PCDH9: variants seen among roughly 807,000 people sequenced by gnomAD.
The protein encoded by PCDH9 is protocadherin-9.
Under a neutral mutation model 70.6 loss-of-function variants are expected in PCDH9, and 24 were observed. The observed-to-expected ratio is 0.34, with a 90% CI of 0.25 to 0.48. The LOEUF is 0.48. PCDH9 is among the 20% of genes least tolerant of loss of function. The probability of loss-of-function intolerance (pLI) is 0.99; values close to 1 mark genes in which losing one functional copy is unlikely to be tolerated. For missense variants in PCDH9, 1,281 were observed against 1,503.6 expected (o/e 0.85, Z 2.45); for synonymous variants, 562 against 558.5 (o/e 1.01, Z -0.09).
intron 4 of PCDH9, among the ~76,000 whole-genome samples, chr13:66,546,228 G>T (rs1172710511): frequency 1.3e-5 from 2 of 151,406 alleles, no homozygotes; most frequent in African/African-American, 4.9e-5. Context: ...CCAGAAAGCA[G>T]TCTAGAAGAA....
intron 2 of PCDH9, among the ~76,000 whole-genome samples, chr13:67,183,899 G>A (rs80004069): frequency 2.6e-5 from 4 of 152,156 alleles, no homozygotes; most frequent in South Asian, 4.1e-4. Flanking sequence ...GGTGAGTTAC[G>A]TGGCATTCCA....
intron 2 of PCDH9, among the ~76,000 whole-genome samples, chr13:67,078,043 T>C (rs1477433178): frequency 6.6e-6 from 1 of 152,184 alleles, no homozygotes; most frequent in Non-Finnish European, 1.5e-5. Flanking sequence ...ATTCTACACG[T>C]TCCAGCCAAA....
intron 2 of PCDH9, among the ~76,000 whole-genome samples, chr13:67,084,828 G>A (rs1028445710): frequency 4.7e-5 from 7 of 150,454 alleles, no homozygotes; most frequent in East Asian, 2.0e-4. Flanking sequence ...TTAGCTGGGC[G>A]TGGTGGCGGG....
At chr13:67,129,535 T>A (rs977772954) in intron 2 of PCDH9, among the ~76,000 whole-genome samples, 16 of 151,968 alleles carry the variant, frequency 1.1e-4, no homozygotes, top group African/African-American at 3.9e-4. Context: ...TAAGAATGAG[T>A]CACTGGTTAA....
intron 4 of PCDH9, among the ~76,000 whole-genome samples, chr13:66,617,422 C>A (rs1353213671): frequency 6.6e-6 from 1 of 152,124 alleles, no homozygotes; most frequent in Non-Finnish European, 1.5e-5. Context: ...TTTAAAAATG[C>A]TTTCTTTTTC....
At chr13:66,400,628 T>C (rs1224332029) in intron 4 of PCDH9, among the ~76,000 whole-genome samples, 1 of 152,194 alleles carries the variant, frequency 6.6e-6, no homozygotes, top group Non-Finnish European at 1.5e-5. Flanking sequence ...ACTCATAGGC[T>C]ATCTATTCTA....
chr13:67,178,236 T>G (rs1594618381), intron 2 of PCDH9, among the ~76,000 whole-genome samples: 1 of 152,100 alleles, frequency 6.6e-6, no homozygotes, highest in Admixed American at 6.6e-5. Context: ...AAAAAGATAC[T>G]ATGAAAGTTA....
intron 3 of PCDH9, among the ~76,000 whole-genome samples, chr13:66,834,760 C>T (rs1295147285): frequency 1.3e-5 from 2 of 152,152 alleles, no homozygotes; most frequent in African/African-American, 2.4e-5. Flanking sequence ...ATAATGTTTA[C>T]TCAAATGCCA....
At chr13:66,668,719 A>G (rs1175648898) in intron 3 of PCDH9, among the ~76,000 whole-genome samples, 1 of 152,182 alleles carries the variant, frequency 6.6e-6, no homozygotes, top group African/African-American at 2.4e-5. Context: ...GGAGCAACTT[A>G]TTGAAAATCA....
intron 4 of PCDH9, among the ~76,000 whole-genome samples, chr13:66,446,758 A>G (rs1204381023): frequency 1.3e-5 from 2 of 152,118 alleles, no homozygotes; most frequent in Non-Finnish European, 2.9e-5. Flanking sequence ...GTCAAATGTT[A>G]GAATCATTTT....
intron 4 of PCDH9, among the ~76,000 whole-genome samples, chr13:66,420,293 G>A (rs7338841): frequency 0.4 from 60,170 of 152,000 alleles, 12,541 homozygotes; most frequent in East Asian, 0.51. Context: ...AGAGAGCAGC[G>A]GATCTCCCAA....
At chr13:66,586,285 T>G (rs780805857) in intron 4 of PCDH9, among the ~76,000 whole-genome samples, 1 of 151,924 alleles carries the variant, frequency 6.6e-6, no homozygotes, top group Non-Finnish European at 1.5e-5. Flanking sequence ...GATGCACACA[T>G]AGAGAGAGAG....
chr13:66,477,006 T>C (rs780102816), intron 4 of PCDH9, among the ~76,000 whole-genome samples: 5 of 152,086 alleles, frequency 3.3e-5, no homozygotes, highest in African/African-American at 4.8e-5. Flanking sequence ...ATATGAGTTA[T>C]AGAGTGACTA....
At chr13:67,207,001 A>G (rs2089364287) in intron 2 of PCDH9, 1 of 152,200 alleles carries the variant, frequency 6.6e-6, no homozygotes, top group East Asian at 1.9e-4. Context: ...CGTACTGCCT[A>G]AAAGATACAA....
At chr13:66,357,053 C>G (rs933695588) in intron 4 of PCDH9, among the ~76,000 whole-genome samples, 9 of 151,908 alleles carry the variant, frequency 5.9e-5, no homozygotes, top group Non-Finnish European at 1.3e-4. Flanking sequence ...ACATTCCCTG[C>G]CACAACAAAA....
intron 3 of PCDH9, among the ~76,000 whole-genome samples, chr13:66,791,726 A>G (rs1294879789): frequency 6.6e-6 from 1 of 152,184 alleles, no homozygotes; most frequent in Non-Finnish European, 1.5e-5. Context: ...ATTACTTTCA[A>G]TGGAAAAAAT....
intron 2 of PCDH9, among the ~76,000 whole-genome samples, chr13:67,197,649 C>CA (rs999646737): frequency 6.6e-6 from 1 of 151,844 alleles, no homozygotes; most frequent in Non-Finnish European, 1.5e-5. Context: ...AAATTATACT[C>CA]AAAGGAGTCC....
Position 66,304,594 on chromosome 13 carries a change from C to A in PCDH9, c.*61G>T. On this transcript the variant is annotated 3_prime_UTR_variant, in exon 5 of 5. Transcript: ENST00000377865. ...GTAGAGATCTATTGAATACATAAAG[C>A]TCTGACGCACACGGTATTAGCATGT... 7.5e-7 allele frequency: 1 copy of A among 1,340,362 alleles called. No homozygotes were observed. Among genetic ancestry groups the A allele is most frequent in the South Asian group, 1.3e-5 (1 of 78,574 alleles). 83.0% of individuals were successfully genotyped at this position (1,340,362 alleles called of 1,614,324 possible).
At chr13:66,703,911 T>TA (rs34387881) in intron 3 of PCDH9, among the ~76,000 whole-genome samples, 29,490 of 150,842 alleles carry the variant, frequency 0.2, 3,100 homozygotes, top group South Asian at 0.33. Context: ...AATTAAAAAT[T>TA]AAAAAAAAAT....
Sources: allele counts gnomAD v4.1 joint callset (sites outside exome capture counted in the v4.1 genomes callset), GRCh38; gene constraint gnomAD v4.1.1; transcripts MANE v1.5; gene names NCBI Gene and HGNC (gene_info 2026-07-23, HGNC 2026-07-21).